Variants in SYP observed in about 807,000 individuals in gnomAD.
The protein encoded by SYP is synaptophysin, also known as major synaptic vesicle protein P38.
In SYP, 2 loss-of-function variants were observed where a neutral mutation model predicts 24.3. The observed-to-expected ratio is 0.08, with a 90% confidence interval of 0.03 to 0.26. SYP has a LOEUF of 0.26. Ranked by LOEUF, SYP falls within the 10% of genes least tolerant of loss-of-function variation. The probability of loss-of-function intolerance (pLI) is 1.00; values close to 1 mark genes in which losing one functional copy is unlikely to be tolerated. For synonymous variants in SYP, 143 were observed against 123.2 expected (o/e 1.16, Z -1.07); for missense variants, 216 against 266.3 (o/e 0.81, Z 1.32).
At chrX:49,190,770 CG>C (rs1281109305) in intron 6 of SYP, 3 of 112,327 alleles carry the variant, frequency 2.7e-5, no homozygotes, top group African/African-American at 9.8e-5. Flanking sequence ...CCGCCCGCCT[CG>C]GTCTCCCAAA....
At chrX:49,200,044 T>A in intron 1 of SYP, 107 bp downstream of exon 1, 1 of 1,016,676 alleles carries the variant, frequency 9.8e-7, no homozygotes, top group Non-Finnish European at 1.3e-6. Flanking sequence ...GGACCGGGTC[T>A]CCGCTGCCAG....
chrX:49,192,573 T>C (rs1473982766), intron 5 of SYP, among the ~76,000 whole-genome samples: 1 of 112,579 alleles, frequency 8.9e-6, no homozygotes, highest in Non-Finnish European at 1.9e-5. Flanking sequence ...CTTTACATGT[T>C]ATAAGCTCAC....
At chrX:49,193,566 C>A in intron 4 of SYP, 103 bp from the exon 5 acceptor site, 1 of 928,167 alleles carries the variant, frequency 1.1e-6, no homozygotes. Flanking sequence ...AGGCCTGTCT[C>A]TCCCCTGCCT....
chrX:49,194,769 C>T (rs1011563459), intron 3 of SYP, among the ~76,000 whole-genome samples: 18 of 89,345 alleles, frequency 2.0e-4, no homozygotes, highest in African/African-American at 7.5e-4. Context: ...AGTGCGGTGG[C>T]ACAATCCCGG....
intron 6 of SYP, 79 bp downstream of exon 6, chrX:49,191,354 C>T (rs1455147859): frequency 2.7e-6 from 3 of 1,097,138 alleles, no homozygotes; most frequent in Non-Finnish European, 3.7e-6. Context: ...ACTCTCTACC[C>T]CTGACTCTTA....
chrX:49,194,551 C>A (rs910176207), intron 3 of SYP, among the ~76,000 whole-genome samples, 190 bp from the exon 4 acceptor site: 6 of 110,923 alleles, frequency 5.4e-5, no homozygotes, highest in African/African-American at 2.0e-4. Context: ...AGGTGTTATT[C>A]ATCCCTCACT....
At position 49,194,249 on chromosome X, in the gene SYP, C is replaced by T; in HGVS notation, c.340G>A (p.Ala114Thr). Residue 114 changes from alanine (A) to threonine (T), a missense_variant, in exon 4 of 7, where the codon GCC becomes ACC. Coordinates refer to ENST00000263233, the MANE Select transcript of SYP (RefSeq NM_003179.3). Reference protein sequence around the residue: ...AEFFVTVAVFAFLYSMGALAT... With the variant: ...AEFFVTVAVFTFLYSMGALAT... ...AGAGCCCCCATGGAGTAGAGGAAGG[C>T]AAACACGGCCACGGTGACAAAGAAT... 1.7e-6 allele frequency: 2 copies of T among 1,211,629 alleles called. No homozygotes were observed. Among genetic ancestry groups the T allele is most frequent in the Non-Finnish European group, 2.2e-6 (2 of 895,465 alleles).
Position 49,189,006 on chromosome X carries a change from A to C in SYP, c.*281T>G, listed in dbSNP as rs1323745657. The C allele has an allele frequency of 9.1e-6, 1 of 110,114 alleles. No individual in the cohort carries two copies. Among genetic ancestry groups the C allele is most frequent in the Admixed American group, 9.7e-5 (1 of 10,289 alleles). The allele number at this position is 110,114 out of a possible 1,213,427, so 9.1% of individuals were successfully genotyped here. A position where few individuals can be genotyped will look rare whatever the true frequency, so the allele number is the denominator to read the frequency against. ...TTAGATCCCCTTAACCTCAGGGGAC[A>C]GGGAGGGTAAACAGAGAGGGGCCAA... is the stretch of plus-strand genomic sequence containing the variant. On this transcript the variant is annotated 3_prime_UTR_variant, in exon 7 of 7. Coordinates refer to ENST00000263233, the MANE Select transcript of SYP (RefSeq NM_003179.3).
chrX:49,199,101 C>T, intron 1 of SYP, 68 bp from the exon 2 acceptor site: 1 of 1,058,557 alleles, frequency 9.4e-7, no homozygotes. Context: ...GGCAAGGCTG[C>T]CCATCAATGA....
chrX:49,192,592 C>G (rs1259172057), intron 5 of SYP, among the ~76,000 whole-genome samples: 1 of 112,419 alleles, frequency 8.9e-6, no homozygotes, highest in Non-Finnish European at 1.9e-5. Flanking sequence ...ACTTAAAATT[C>G]AGTTTTGGGC....
rs782171423 is a variant in SYP, at chrX:49,199,091, G to A, written c.37-58C>T. 6.2e-6 allele frequency: 7 copies of A among 1,130,509 alleles called. No homozygotes were observed. The African/African-American group carries it at 1.1e-4, about 17-fold the overall frequency. 93.2% of individuals were successfully genotyped at this position (1,130,509 alleles called of 1,213,427 possible). On this transcript the variant is annotated intron_variant, in intron 1 of 6. Transcript: ENST00000263233. ...TTGTTGGAGGTACAGGGAGGTGAGC[G>A]GCAAGGCTGCCCATCAATGACCCCA...
intron 3 of SYP, among the ~76,000 whole-genome samples, chrX:49,195,680 C>T (rs1246543272): frequency 9.0e-6 from 1 of 110,983 alleles, no homozygotes; most frequent in Non-Finnish European, 1.9e-5. Flanking sequence ...TTCTGGAGCA[C>T]AGTCTCAGAT....
intron 4 of SYP, 93 bp from the exon 5 acceptor site, chrX:49,193,556 A>G: frequency 3.0e-6 from 3 of 998,907 alleles, no homozygotes; most frequent in Non-Finnish European, 2.7e-6. Context: ...CCCCCAGAAG[A>G]GGCCTGTCTC....
chrX:49,198,884 G>C, intron 2 of SYP, 84 bp downstream of exon 2: 2 of 1,061,000 alleles, frequency 1.9e-6, no homozygotes, highest in Non-Finnish European at 2.6e-6. Context: ...CTGGCTACTC[G>C]CCCCTACTCC....
rs782429855 is a variant in SYP at position 49,188,075 on chromosome X, C to T, written c.*1212G>A. Reference sequence around the variant, plus strand: ...GGTGGAGGTGTGGAGGGAGGGAGGGCGCAGGGGAAGGGGGAAGAGGGGTGG... The same window carrying T: ...GGTGGAGGTGTGGAGGGAGGGAGGGTGCAGGGGAAGGGGGAAGAGGGGTGG... On this transcript the variant is annotated 3_prime_UTR_variant, in exon 7 of 7. Coordinates refer to ENST00000263233, the MANE Select transcript of SYP (RefSeq NM_003179.3). 4 of 106,282 alleles carry T rather than the reference C, an allele frequency of 3.8e-5. No homozygotes were observed. The highest frequency in any genetic ancestry group is 1.4e-4 in the African/African-American group (4 of 28,775). The allele number at this position is 106,282 out of a possible 1,213,427, so 8.8% of individuals were successfully genotyped here.
At position 49,194,247 on chromosome X, in the gene SYP, G is replaced by A; in HGVS notation, c.342C>T (p.Ala114=). 1 of 1,211,696 alleles carries A rather than the reference G, an allele frequency of 8.3e-7. No individual in the cohort carries two copies. Among genetic ancestry groups the A allele is most frequent in the East Asian group, 3.0e-5 (1 of 33,847 alleles). Residue 114 remains alanine (A), a synonymous_variant, in exon 4 of 7, where the codon GCC becomes GCT. Coordinates refer to ENST00000263233, the MANE Select transcript of SYP (RefSeq NM_003179.3). ...AEFFVTVAVF[A]FLYSMGALAT... ...CCAGAGCCCCCATGGAGTAGAGGAAGGCAAACACGGCCACGGTGACAAAGA... is the reference window on the plus strand; with the variant it reads ...CCAGAGCCCCCATGGAGTAGAGGAAAGCAAACACGGCCACGGTGACAAAGA...
At chrX:49,194,074 G>C (rs1231723657) in intron 4 of SYP, 92 bp downstream of exon 4, 1 of 1,056,137 alleles carries the variant, frequency 9.5e-7, no homozygotes, top group African/African-American at 1.9e-5. Flanking sequence ...ATGTGGGCCT[G>C]TCTGGGATTT....
chrX:49,198,567 C>T (rs2065537482), intron 2 of SYP: 1 of 159,558 alleles, frequency 6.3e-6, no homozygotes, highest in Admixed American at 7.8e-5. Flanking sequence ...CTCCATATTT[C>T]TTTTTTTTTT....
In SYP at chrX:49,199,292, G is replaced by A. The variant is rs782009091; in HGVS notation, c.37-259C>T. On this transcript the variant is annotated intron_variant, in intron 1 of 6. Transcript: ENST00000263233. ...GATGAGGTCAGGACTAGTTAAGGAG[G>A]GGGAGCAGGTTTGAAACGTAAAGGC... 1.0e-5 allele frequency: 4 copies of A among 391,577 alleles called. No individual in the cohort carries two copies. The East Asian group carries it at 1.7e-4, about 17-fold the overall frequency. 32.3% of individuals were successfully genotyped at this position (391,577 alleles called of 1,213,427 possible). A position where few individuals can be genotyped will look rare whatever the true frequency, so the allele number is the denominator to read the frequency against.
Sources: gnomAD v4.1 joint callset for allele counts (sites outside exome capture counted in the v4.1 genomes callset) on GRCh38, gnomAD v4.1.1 for gene constraint, MANE v1.5 for transcripts, NCBI Gene and HGNC (gene_info 2026-07-23, HGNC 2026-07-21) for gene names.